The following TNRC6A variants were observed in gnomAD, a reference collection of about 807,000 sequenced individuals.
TNRC6A encodes trinucleotide repeat containing adaptor 6A.
TNRC6A carries 44 observed loss-of-function variants against 221.2 expected under a neutral mutation model. The ratio of observed to expected loss-of-function variants is 0.20; its 90% CI spans 0.16 to 0.26. The LOEUF is 0.26. Among genes scored for constraint, TNRC6A ranks in the 10% least tolerant of loss-of-function variants. The pLI is 1.00. For synonymous variants in TNRC6A, 847 were observed against 838.5 expected, an observed-to-expected ratio of 1.01 and a Z score of -0.18; for missense variants, 2,199 against 2,404.4, an observed-to-expected ratio of 0.91 and a Z score of 1.79.
At chr16:24,646,409 G>A (rs1902289913) in intron 2 of TNRC6A, among the ~76,000 whole-genome samples, 2 of 152,124 alleles carry the variant, frequency 1.3e-5, no homozygotes, top group African/African-American at 4.8e-5. Flanking sequence ...ATGCACTGGT[G>A]GTGATTCACA....
At chr16:24,683,495 C>A (rs1204595325) in intron 2 of TNRC6A, among the ~76,000 whole-genome samples, 1 of 152,190 alleles carries the variant, frequency 6.6e-6, no homozygotes, top group Non-Finnish European at 1.5e-5. Context: ...CCGTGCCCAG[C>A]CCCTATCCTG....
At chr16:24,701,635 G>A (rs1027921076) in intron 2 of TNRC6A, among the ~76,000 whole-genome samples, 1 of 152,292 alleles carries the variant, frequency 6.6e-6, no homozygotes, top group African/African-American at 2.4e-5. Flanking sequence ...CAAAGTGCTC[G>A]GATTACAGGC....
At chr16:24,723,298 T>C (rs1020730304) in intron 2 of TNRC6A, among the ~76,000 whole-genome samples, 1 of 152,016 alleles carries the variant, frequency 6.6e-6, no homozygotes, top group Admixed American at 6.6e-5. Flanking sequence ...TGTGTGCTAT[T>C]AAGAGTCCAT....
Position 24,805,081 on chromosome 16 carries a change from C to T in TNRC6A, c.4052C>T (p.Pro1351Leu), listed in dbSNP as rs1489583117. 4 of 1,614,208 alleles carry T rather than the reference C, an allele frequency of 2.5e-6. No individual in the cohort carries two copies. Among genetic ancestry groups the T allele is most frequent in the Non-Finnish European group, 2.5e-6 (3 of 1,180,040 alleles). ...AAQPRGMQQP[P>L]AQPLSSSQPN... ...CAACCCCGGGGCATGCAGCAGCCTC[C>T]AGCACAACCTCTTAGTTCATCTCAG... The change falls in exon 14 of 25, where the codon CCA (proline) becomes CTA (leucine). Residue 1351 changes from proline to leucine, a missense_variant. This residue lies in a region of TNRC6A where 449 missense variants were observed against 579.7 expected (regional missense o/e 0.77). Transcript: ENST00000395799.
At chr16:24,811,019 G>A (rs1048452829) in intron 18 of TNRC6A, among the ~76,000 whole-genome samples, 9 of 152,136 alleles carry the variant, frequency 5.9e-5, no homozygotes, top group Admixed American at 2.0e-4. Context: ...ACAAATACAG[G>A]ACGGACCCGA....
At chr16:24,747,805 AC>A (rs1261574195) in intron 2 of TNRC6A, among the ~76,000 whole-genome samples, 1 of 152,172 alleles carries the variant, frequency 6.6e-6, no homozygotes, top group Non-Finnish European at 1.5e-5. Context: ...TCTTTTAAGT[AC>A]TAAAGGGGAT....
chr16:24,797,533 ATC>A lies in TNRC6A; in HGVS notation c.3606_3607del (p.Pro1203IlefsTer3), dbSNP rs1241009807. The A allele has an allele frequency of 1.9e-6, 3 of 1,612,210 alleles. No homozygotes were observed. In the Admixed American group the frequency reaches 5.0e-5, roughly 27 times the overall value. ...AACAAACAAGAAGAAGCGTGGATAA[ATC>A]CATTTGTTAAACAGTTTTCAAACAT... On this transcript the variant is annotated frameshift_variant, in exon 10 of 25. Transcript: ENST00000395799. LOFTEE classifies it high-confidence loss of function.
chr16:24,699,043 A>T (rs547859368), intron 2 of TNRC6A, among the ~76,000 whole-genome samples: 1 of 152,260 alleles, frequency 6.6e-6, no homozygotes, highest in African/African-American at 2.4e-5. Context: ...TGAAGAACCT[A>T]CAGAGCGGGT....
chr16:24,621,219 A>G (rs189642178), intron 1 of TNRC6A, among the ~76,000 whole-genome samples: 1 of 152,060 alleles, frequency 6.6e-6, no homozygotes, highest in African/African-American at 2.4e-5. Flanking sequence ...GCATTTCACA[A>G]ATTTGAAATA....
At chr16:24,815,013 A>G (rs2058626503) in intron 18 of TNRC6A, 134 bp from the exon 19 acceptor site, 2 of 922,784 alleles carry the variant, frequency 2.2e-6, no homozygotes, top group Non-Finnish European at 3.2e-6. Context: ...TCTCAATATA[A>G]AAGAGTTACT....
chr16:24,815,387 G>A, intron 19 of TNRC6A, 82 bp downstream of exon 19: 1 of 1,492,602 alleles, frequency 6.7e-7, no homozygotes. Flanking sequence ...TACTGATGTA[G>A]CCCAGATCGG....
intron 11 of TNRC6A, among the ~76,000 whole-genome samples, chr16:24,802,885 AT>A (rs2151967673): frequency 6.6e-6 from 1 of 152,274 alleles, no homozygotes; most frequent in South Asian, 2.1e-4. Flanking sequence ...CTTTTAAAAG[AT>A]TTGTTGAAAT....
chr16:24,689,389 A>G (rs908828491), intron 2 of TNRC6A, among the ~76,000 whole-genome samples: 7 of 152,214 alleles, frequency 4.6e-5, no homozygotes, highest in African/African-American at 1.4e-4. Context: ...GATGTCTGAT[A>G]TGGACATGGA....
chr16:24,654,592 A>C (rs764140460), intron 2 of TNRC6A, among the ~76,000 whole-genome samples: 12 of 152,022 alleles, frequency 7.9e-5, no homozygotes, highest in Non-Finnish European at 1.8e-4. Context: ...TGTGGCATGC[A>C]CCTGTAGTAC....
At chr16:24,689,854 G>A (rs1028326068) in intron 2 of TNRC6A, among the ~76,000 whole-genome samples, 5 of 151,732 alleles carry the variant, frequency 3.3e-5, no homozygotes, top group Admixed American at 6.6e-5. Context: ...GGGCTCAAGC[G>A]ATCACCTGCC....
intron 4 of TNRC6A, among the ~76,000 whole-genome samples, chr16:24,759,789 A>G (rs1298590462): frequency 6.6e-6 from 1 of 152,122 alleles, no homozygotes; most frequent in Non-Finnish European, 1.5e-5. Context: ...TGTGTGAGGG[A>G]TAATTGACAG....
chr16:24,748,406 T>A (rs952400215), intron 2 of TNRC6A, among the ~76,000 whole-genome samples: 2 of 152,142 alleles, frequency 1.3e-5, no homozygotes, highest in African/African-American at 4.8e-5. Context: ...TGAGTGAGCT[T>A]GTTCAGTCTT....
intron 1 of TNRC6A, among the ~76,000 whole-genome samples, chr16:24,638,167 C>T (rs1046659977): frequency 5.3e-5 from 8 of 152,216 alleles, no homozygotes; most frequent in African/African-American, 1.9e-4. Context: ...ACTATAATCC[C>T]AGCATTTTGG....
intron 2 of TNRC6A, among the ~76,000 whole-genome samples, chr16:24,658,876 A>G (rs188938664): frequency 6.7e-5 from 10 of 150,076 alleles, no homozygotes; most frequent in African/African-American, 2.4e-4. Context: ...AGTGCAGATC[A>G]TTGCTCACTG....
Sources: allele counts gnomAD v4.1 joint callset (sites outside exome capture counted in the v4.1 genomes callset), GRCh38; gene constraint gnomAD v4.1.1; regional missense constraint gnomAD v4.1.1; transcripts MANE v1.5; gene names NCBI Gene and HGNC (gene_info 2026-07-23, HGNC 2026-07-21).